Variants in ESX1 observed in about 807,000 individuals in gnomAD.
ESX1 encodes ESX homeobox 1, also known as homeobox protein ESX1.
In ESX1, 2 loss-of-function variants were observed where a neutral mutation model predicts 13.2. The observed-to-expected ratio is 0.15, with a 90% CI of 0.06 to 0.48. The LOEUF (loss-of-function observed/expected upper bound fraction) is 0.48, where lower values mean the gene tolerates loss of function less well. Among genes scored for constraint, ESX1 ranks in the 20% least tolerant of loss-of-function variants. The pLI is 0.97. For missense variants in ESX1, 307 were observed against 379.0 expected, an observed-to-expected ratio of 0.81 and a Z score of 1.58; for synonymous variants, 157 against 163.1, an observed-to-expected ratio of 0.96 and a Z score of 0.29.
At chrX:104,253,866 A>G (rs2147918646) in intron 2 of ESX1, among the ~76,000 whole-genome samples, 1 of 113,024 alleles carries the variant, frequency 8.8e-6, no homozygotes, top group South Asian at 3.6e-4. Context: ...AAAAAACTCG[A>G]TAATCAAGAC....
intron 2 of ESX1, among the ~76,000 whole-genome samples, chrX:104,253,104 G>A (rs1923222844): frequency 9.3e-6 from 1 of 107,036 alleles, no homozygotes; most frequent in South Asian, 4.3e-4. Flanking sequence ...AGAAGAGATC[G>A]CGCCACCGCT....
Position 104,254,383 on chromosome X carries a change from T to C in ESX1, c.277A>G (p.Lys93Glu). ...GGCTCCTCCTGCTGTTGCTCCGGCT[T>C]GGTCAGGGGCGGCTCCTCCTGCTGT... Reference protein sequence around the residue: ...EQQQEEPPLTKPEQQQEEPPL... With the variant: ...EQQQEEPPLTEPEQQQEEPPL... The change falls in exon 2 of 4, where the codon AAG becomes GAG. Residue 93 changes from lysine (K) to glutamate (E), a missense_variant. Lys to Glu is a moderately conservative substitution (Grantham distance 56, BLOSUM62 1). Coordinates refer to ENST00000372588, the MANE Select transcript of ESX1 (RefSeq NM_153448.4). 1.7e-6 allele frequency: 2 copies of C among 1,211,024 alleles called. No individual in the cohort carries two copies. Among genetic ancestry groups the C allele is most frequent in the Middle Eastern group, 2.3e-4 (1 of 4,351 alleles).
chrX:104,251,031 A>G, intron 3 of ESX1, 135 bp from the exon 4 acceptor site: 3 of 591,628 alleles, frequency 5.1e-6, no homozygotes, highest in Non-Finnish European at 7.7e-6. Flanking sequence ...TATTGCTGAA[A>G]TATCTTAGAG....
intron 3 of ESX1, 30 bp from the exon 4 acceptor site, chrX:104,250,926 T>G: frequency 8.8e-7 from 1 of 1,135,787 alleles, no homozygotes; most frequent in Non-Finnish European, 1.2e-6. Context: ...ATTGGTTTAG[T>G]ATTTTGAACA....
In ESX1 at chrX:104,252,748, T is replaced by C. The variant is rs782731707; in HGVS notation, c.552+35A>G. On this transcript the variant is annotated intron_variant, in intron 3 of 3. Transcript: ENST00000372588. ...AACCTAAAGCATGCTTTAGAATGGCTGTCCTGCCAAATTGCTTTTTCAAGA... is the reference window on the plus strand; with the variant it reads ...AACCTAAAGCATGCTTTAGAATGGCCGTCCTGCCAAATTGCTTTTTCAAGA... 16 of 1,188,930 alleles carry C rather than the reference T, an allele frequency of 1.3e-5. No individual in the cohort carries two copies. In the South Asian group the frequency reaches 2.5e-4, roughly 18 times the overall value.
At chrX:104,254,082 C>A in intron 2 of ESX1, 72 bp downstream of exon 2, 1 of 1,118,322 alleles carries the variant, frequency 8.9e-7, no homozygotes, top group South Asian at 2.2e-5. Flanking sequence ...GCCCGTGAGC[C>A]CCCTACGTGG....
chrX:104,254,523 T>G lies in ESX1; in HGVS notation c.137A>C (p.Asn46Thr). 8.3e-7 allele frequency: 1 copy of G among 1,211,811 alleles called. No individual in the cohort carries two copies. The highest frequency in any genetic ancestry group is 1.1e-6 in the Non-Finnish European group (1 of 895,476). Reference sequence around the variant, plus strand: ...TCCGTACTCAGGTTTGGACCGTGTATTCTCCTCGTCCTCTCCTCCCCTTGC... The same window carrying G: ...TCCGTACTCAGGTTTGGACCGTGTAGTCTCCTCGTCCTCTCCTCCCCTTGC... ...LMARGGEDEE[N>T]TRSKPEYGTE... Residue 46 changes from asparagine to threonine, a missense_variant, in exon 2 of 4, where the codon AAT (asparagine) becomes ACT (threonine). Around this residue, in one of 3 missense-constraint regions of ESX1, gnomAD observed 152 missense variants for 114.5 expected, o/e 1.33. Transcript: ENST00000372588.
At chrX:104,252,176 C>G (rs1214467643) in intron 3 of ESX1, among the ~76,000 whole-genome samples, 4 of 112,362 alleles carry the variant, frequency 3.6e-5, no homozygotes, top group Non-Finnish European at 7.5e-5. Context: ...GTGTGAATTA[C>G]TCCTTCACTC....
intron 2 of ESX1, 50 bp downstream of exon 2, chrX:104,254,104 G>A: frequency 1.7e-6 from 2 of 1,150,909 alleles, no homozygotes; most frequent in South Asian, 2.0e-5. Context: ...TTTTAGCTCC[G>A]GTGAAAGGGT....
Position 104,250,617 on chromosome X carries a change from G to A in ESX1, c.832C>T (p.Pro278Ser), listed in dbSNP as rs1923158557. 1 of 1,205,651 alleles carries A rather than the reference G, an allele frequency of 8.3e-7. No individual in the cohort carries two copies. ...GGCACAGGCGCCATGCGTGAGCCGG[G>A]TGGCACAGGCGCCATGGGTGGCATA... The part of the protein sequence containing the change: ...APMPPMAPVP[P>S]GSRMAPVPPG... Residue 278 changes from proline to serine, a missense_variant, in exon 4 of 4, where the codon CCC (proline) becomes TCC (serine). Pro to Ser is a moderately conservative substitution (Grantham distance 74). This residue lies in a region of ESX1 where 108 missense variants were observed against 147.5 expected (regional missense o/e 0.73). Transcript: ENST00000372588.
chrX:104,253,268 T>C (rs1923229671), intron 2 of ESX1, among the ~76,000 whole-genome samples: 2 of 109,647 alleles, frequency 1.8e-5, no homozygotes, highest in African/African-American at 6.6e-5. Flanking sequence ...ACAACTTCGC[T>C]GTTAAATAAG....
At chrX:104,254,004 C>T in intron 2 of ESX1, 150 bp downstream of exon 2, 2 of 712,652 alleles carry the variant, frequency 2.8e-6, no homozygotes, top group Non-Finnish European at 2.1e-6. Context: ...ACCCTAGTCC[C>T]GCCCCAGTCT....
intron 3 of ESX1, among the ~76,000 whole-genome samples, chrX:104,251,732 G>A (rs186782759): frequency 4.5e-5 from 5 of 111,736 alleles, no homozygotes; most frequent in Non-Finnish European, 9.4e-5. Flanking sequence ...ATCAACACAG[G>A]TAAGAATCTT....
Position 104,250,657 on chromosome X carries a change from C to T in ESX1, c.792G>A (p.Arg264=). ...PRPPMVPMPP[R]PPIAPMPPMA... ...TGGGTGGCATAGGTGCTATGGGTGGCCTGGGTGGCATAGGGACCATGGGTG... is the reference window on the plus strand; with the variant it reads ...TGGGTGGCATAGGTGCTATGGGTGGTCTGGGTGGCATAGGGACCATGGGTG... The change falls in exon 4 of 4, where the codon AGG becomes AGA. Residue 264 remains arginine, a synonymous_variant. Transcript: ENST00000372588. 1 of 1,210,659 alleles carries T rather than the reference C, an allele frequency of 8.3e-7. No homozygotes were observed. Among genetic ancestry groups the T allele is most frequent in the South Asian group, 1.8e-5 (1 of 56,835 alleles).
chrX:104,250,042 A>T lies in ESX1; in HGVS notation c.*186T>A. 1.8e-6 allele frequency: 1 copy of T among 569,924 alleles called. No individual in the cohort carries two copies. Among genetic ancestry groups the T allele is most frequent in the Non-Finnish European group, 2.6e-6 (1 of 384,767 alleles). The allele number at this position is 569,924 out of a possible 1,213,427, so 47.0% of individuals were successfully genotyped here. On this transcript the variant is annotated 3_prime_UTR_variant, in exon 4 of 4. Coordinates refer to ENST00000372588, the MANE Select transcript of ESX1 (RefSeq NM_153448.4). ...ATTTGGCATACAAAACCAACGTACT[A>T]TTAAGTCACATCTTTATTGAAAATA...
rs201519494 is a variant in ESX1, at chrX:104,252,793, T to C, written c.542A>G (p.Asp181Gly). ...RLAARLNLTE[D>G]RVQVWFQNRR... ...TCAAGATTTACTGACCTGCACTCTG[T>C]CTTCAGTCAAATTCAGGCGTGCTGC... Residue 181 changes from aspartate (D) to glycine (G), a missense_variant, in exon 3 of 4, where the codon GAC becomes GGC. Asp to Gly is a moderately conservative substitution (Grantham distance 94). Transcript: ENST00000372588. The C allele has an allele frequency of 2.7e-5, 33 of 1,209,168 alleles. No homozygotes were observed. Among genetic ancestry groups the C allele is most frequent in the Non-Finnish European group, 3.5e-5 (31 of 894,484 alleles).
intron 2 of ESX1, among the ~76,000 whole-genome samples, chrX:104,253,573 G>A (rs909461230): frequency 1.3e-4 from 15 of 111,706 alleles, no homozygotes; most frequent in Non-Finnish European, 2.6e-4. Flanking sequence ...GCCGGGCGAA[G>A]GCTAAGTACA....
At chrX:104,251,506 T>A (rs1923183624) in intron 3 of ESX1, among the ~76,000 whole-genome samples, 2 of 112,063 alleles carry the variant, frequency 1.8e-5, no homozygotes, top group African/African-American at 6.5e-5. Context: ...TTTCCAGACA[T>A]CACACCCACA....
In ESX1 at chrX:104,253,659, GA is replaced by G. The variant is rs781845813; in HGVS notation, c.506+494del. On this transcript the variant is annotated intron_variant, in intron 2 of 3. Coordinates refer to ENST00000372588, the MANE Select transcript of ESX1 (RefSeq NM_153448.4). The stretch of plus-strand genomic sequence containing the variant: ...CCCGCCCCCCATTCCAGCCTGGCCA[GA>G]AAAGGCCTGCCCCTTCGTACACTAC... Among the ~76,000 whole-genome samples the G allele has an allele frequency of 5.4e-3, 595 of 110,721 alleles. 6 individuals carry two copies. Among genetic ancestry groups the G allele is most frequent in the African/African-American group, 0.018 (556 of 30,465 alleles).
Sources: gnomAD v4.1 joint callset for allele counts (sites outside exome capture counted in the v4.1 genomes callset) on GRCh38, gnomAD v4.1.1 for gene constraint, gnomAD v4.1.1 regional missense constraint, MANE v1.5 for transcripts, NCBI Gene and HGNC (gene_info 2026-07-23, HGNC 2026-07-21) for gene names.